The following NDUFAF2 variants were observed in gnomAD, a reference collection of about 807,000 sequenced individuals.
NDUFAF2 encodes NADH dehydrogenase [ubiquinone] 1 alpha subcomplex assembly factor 2.
A neutral mutation model predicts 22.8 loss-of-function variants in NDUFAF2; 13 were observed. That is an observed-to-expected ratio of 0.57 (90% CI 0.37 to 0.91). NDUFAF2 has a LOEUF of 0.91. Ranked by LOEUF, NDUFAF2 falls within the 40% of genes least tolerant of loss-of-function variation. The pLI is 0.01. For synonymous variants in NDUFAF2, 53 were observed against 64.2 expected, an observed-to-expected ratio of 0.83 and a Z score of 0.84; for missense variants, 162 against 195.2, an observed-to-expected ratio of 0.83 and a Z score of 1.01.
chr5:61,035,372 G>GTA (rs1221862085), intron 1 of NDUFAF2, among the ~76,000 whole-genome samples: 2 of 133,386 alleles, frequency 1.5e-5, no homozygotes, highest in African/African-American at 5.7e-5. Context: ...AGCCAATAGT[G>GTA]TATTTTTAAT....
chr5:61,127,583 A>G (rs1202550767), intron 3 of NDUFAF2, among the ~76,000 whole-genome samples: 2 of 150,738 alleles, frequency 1.3e-5, no homozygotes, highest in Non-Finnish European at 3.0e-5. Context: ...AATTCAACAA[A>G]TTTTGAATTA....
intron 2 of NDUFAF2, among the ~76,000 whole-genome samples, chr5:61,098,330 C>T (rs955161657): frequency 2.0e-5 from 3 of 152,198 alleles, no homozygotes; most frequent in Admixed American, 6.5e-5. Flanking sequence ...CTCATAAGCA[C>T]TATACTATAC....
intron 1 of NDUFAF2, among the ~76,000 whole-genome samples, chr5:61,001,226 C>CTTA (rs1751291226): frequency 6.6e-6 from 1 of 152,128 alleles, no homozygotes; most frequent in Non-Finnish European, 1.5e-5. Context: ...TTTTCTCTGA[C>CTTA]TAATAAGTCC....
intron 1 of NDUFAF2, among the ~76,000 whole-genome samples, chr5:60,953,484 C>A (rs1365946143): frequency 6.6e-6 from 1 of 152,118 alleles, no homozygotes; most frequent in Non-Finnish European, 1.5e-5. Context: ...TACTGGATAT[C>A]TTATTCCCTG....
At chr5:60,981,339 A>G (rs1302833431) in intron 1 of NDUFAF2, among the ~76,000 whole-genome samples, 1 of 152,174 alleles carries the variant, frequency 6.6e-6, no homozygotes, top group Admixed American at 6.5e-5. Context: ...ATCTGGCAAA[A>G]ATGTCCTTCA....
intron 1 of NDUFAF2, among the ~76,000 whole-genome samples, chr5:61,049,252 T>G (rs1316200468): frequency 6.6e-6 from 1 of 152,102 alleles, no homozygotes; most frequent in Non-Finnish European, 1.5e-5. Flanking sequence ...CCTTACTTGG[T>G]ACAAAGAGTT....
intron 3 of NDUFAF2, among the ~76,000 whole-genome samples, chr5:61,102,898 A>T (rs1244105820): frequency 6.6e-6 from 1 of 151,186 alleles, no homozygotes; most frequent in African/African-American, 2.4e-5. Context: ...TAATCAGTGG[A>T]ACCACAGTGA....
At chr5:61,114,283 C>G (rs748624406) in intron 3 of NDUFAF2, 22 of 152,034 alleles carry the variant, frequency 1.4e-4, no homozygotes, top group Non-Finnish European at 2.8e-4. Context: ...CTCACTAATT[C>G]TTTCTTCTGC....
intron 1 of NDUFAF2, among the ~76,000 whole-genome samples, chr5:61,066,308 A>G (rs985471910): frequency 1.3e-5 from 2 of 152,042 alleles, no homozygotes; most frequent in Non-Finnish European, 2.9e-5. Flanking sequence ...ATGTAACACA[A>G]TCTCTATCAA....
chr5:61,001,789 C>T (rs544519760), intron 1 of NDUFAF2, among the ~76,000 whole-genome samples: 18 of 152,182 alleles, frequency 1.2e-4, no homozygotes, highest in Admixed American at 6.6e-4. Context: ...ATCCACATCC[C>T]GTGATCAAAC....
At chr5:61,059,801 G>C (rs1181563332) in intron 1 of NDUFAF2, among the ~76,000 whole-genome samples, 2 of 151,946 alleles carry the variant, frequency 1.3e-5, no homozygotes, top group African/African-American at 2.4e-5. Flanking sequence ...ATTATCTGTG[G>C]AGATAGTCTT....
At chr5:61,151,368 T>C (rs540006444) in intron 3 of NDUFAF2, among the ~76,000 whole-genome samples, 1 of 152,306 alleles carries the variant, frequency 6.6e-6, no homozygotes, top group African/African-American at 2.4e-5. Context: ...TGTCAGATAT[T>C]AGTTACATTA....
intron 2 of NDUFAF2, among the ~76,000 whole-genome samples, chr5:61,093,438 G>A (rs1019571764): frequency 2.8e-4 from 42 of 152,084 alleles, no homozygotes; most frequent in African/African-American, 1.0e-3. Flanking sequence ...TTCCTTCAAT[G>A]CCTAGTTTAT....
At chr5:61,107,046 T>TACACACACACACACACACACACACACAC (rs59521177) in intron 3 of NDUFAF2, among the ~76,000 whole-genome samples, 20 of 124,018 alleles carry the variant, frequency 1.6e-4, no homozygotes, top group East Asian at 5.3e-4. Context: ...TGGATAAATA[T>TACACACACACACACACACACACACACAC]ACACACACAC....
At chr5:60,958,797 T>C (rs967197100) in intron 1 of NDUFAF2, among the ~76,000 whole-genome samples, 1 of 152,158 alleles carries the variant, frequency 6.6e-6, no homozygotes, top group Non-Finnish European at 1.5e-5. Context: ...TTTATTATGG[T>C]AAATTGGCCA....
intron 1 of NDUFAF2, among the ~76,000 whole-genome samples, chr5:60,984,601 G>T (rs1011590219): frequency 3.9e-5 from 6 of 152,278 alleles, no homozygotes; most frequent in Non-Finnish European, 8.8e-5. Flanking sequence ...AGAGTTTTTA[G>T]CATGAAGGTT....
At position 61,122,497 on chromosome 5, in the gene NDUFAF2, C is replaced by A. The variant is rs933699947; in HGVS notation, c.258+23465C>A. On this transcript the variant is annotated intron_variant, in intron 3 of 3. Transcript: ENST00000296597. ...CAGAAATAATTCTGAACTCTACACT[C>A]ATTTAACTATCTTTTGAAAAAGATT... Among the ~76,000 whole-genome samples, 4 of 152,274 alleles carry A rather than the reference C, an allele frequency of 2.6e-5. No individual in the cohort carries two copies. The East Asian group carries it at 7.7e-4, about 29-fold the overall frequency.
intron 3 of NDUFAF2, among the ~76,000 whole-genome samples, chr5:61,141,851 A>T (rs1278575785): frequency 2.0e-5 from 3 of 152,112 alleles, no homozygotes; most frequent in East Asian, 3.9e-4. Flanking sequence ...ACTTCTTCTC[A>T]TCCAACTCTT....
At chr5:61,098,020 A>G (rs754628506) in intron 2 of NDUFAF2, among the ~76,000 whole-genome samples, 13 of 152,188 alleles carry the variant, frequency 8.5e-5, no homozygotes, top group Non-Finnish European at 1.9e-4. Context: ...CCTATACAAC[A>G]TTGCAGGCTA....
Sources: gnomAD v4.1 joint callset for allele counts (sites outside exome capture counted in the v4.1 genomes callset) on GRCh38, gnomAD v4.1.1 for gene constraint, MANE v1.5 for transcripts, NCBI Gene and HGNC (gene_info 2026-07-23, HGNC 2026-07-21) for gene names.